The following RIC8B variants were observed in gnomAD, a reference collection of about 807,000 sequenced individuals.
RIC8B encodes the protein RIC8 guanine nucleotide exchange factor B.
In RIC8B, 16 loss-of-function variants were observed where a neutral mutation model predicts 57.5. The ratio of observed to expected loss-of-function variants is 0.28; its 90% CI spans 0.19 to 0.42. RIC8B has a LOEUF of 0.42. RIC8B is among the 10% of genes least tolerant of loss of function. The pLI, the probability that RIC8B is intolerant of heterozygous loss-of-function variation, is 1.00. For synonymous variants in RIC8B, 216 were observed against 250.8 expected (o/e 0.86, Z 1.31); for missense variants, 481 against 677.0 (o/e 0.71, Z 3.21).
chr12:106,811,203 G>T (rs1453802291), intron 2 of RIC8B, among the ~76,000 whole-genome samples: 1 of 152,264 alleles, frequency 6.6e-6, no homozygotes, highest in African/African-American at 2.4e-5. Flanking sequence ...TGAAGGAGAA[G>T]TCAAGGTAAT....
chr12:106,791,707 T>C (rs1380259926), intron 2 of RIC8B, among the ~76,000 whole-genome samples: 1 of 152,246 alleles, frequency 6.6e-6, no homozygotes, highest in African/African-American at 2.4e-5. Flanking sequence ...CCTTGGCTCC[T>C]AAGTTGGCTT....
At chr12:106,802,793 C>A (rs1168345138) in intron 2 of RIC8B, among the ~76,000 whole-genome samples, 1 of 151,948 alleles carries the variant, frequency 6.6e-6, no homozygotes, top group Non-Finnish European at 1.5e-5. Flanking sequence ...CTACCTTAAG[C>A]AAATCATTTA....
At chr12:106,820,864 GT>G (rs2045808342) in intron 3 of RIC8B, among the ~76,000 whole-genome samples, 1 of 152,258 alleles carries the variant, frequency 6.6e-6, no homozygotes, top group African/African-American at 2.4e-5. Context: ...AATTTCCTGA[GT>G]TTTTTTCTCC....
Position 106,823,571 on chromosome 12 carries a change from ATAATT to A in RIC8B, c.742-2151_742-2147del, listed in dbSNP as rs1386714854. 10 of 381,082 alleles carry A rather than the reference ATAATT, an allele frequency of 2.6e-5. No individual in the cohort carries two copies. The Admixed American group carries it at 3.1e-4, about 12-fold the overall frequency. 23.6% of individuals were successfully genotyped at this position (381,082 alleles called of 1,614,324 possible). ...TATTATATCTAAAATAAAGGAAAAT[ATAATT>A]TAAAGGGAAGTGTATTCCCTAGTTA... On this transcript the variant is annotated intron_variant, in intron 3 of 9. Coordinates refer to ENST00000392837, the MANE Select transcript of RIC8B (RefSeq NM_001330145.2).
At chr12:106,841,397 T>C (rs1948939936) in intron 4 of RIC8B, among the ~76,000 whole-genome samples, 1 of 152,220 alleles carries the variant, frequency 6.6e-6, no homozygotes, top group African/African-American at 2.4e-5. Context: ...ATATTCATTC[T>C]TGGGGAAGTG....
intron 9 of RIC8B, chr12:106,872,934 A>G (rs1404735688): frequency 2.9e-6 from 2 of 682,934 alleles, no homozygotes; most frequent in Admixed American, 6.3e-5. Context: ...TATAATCCAG[A>G]TACTTGGCTT....
At chr12:106,832,766 C>G (rs1315564233) in intron 4 of RIC8B, among the ~76,000 whole-genome samples, 3 of 152,070 alleles carry the variant, frequency 2.0e-5, no homozygotes, top group African/African-American at 7.2e-5. Context: ...GTTCTTAAAC[C>G]CTTAATTCCC....
intron 1 of RIC8B, among the ~76,000 whole-genome samples, chr12:106,781,901 A>C (rs575200442): frequency 6.6e-6 from 1 of 152,292 alleles, no homozygotes; most frequent in African/African-American, 2.4e-5. Context: ...TTTAGTTTAC[A>C]ACTTTAACCT....
chr12:106,782,528 C>T (rs1042213814), intron 1 of RIC8B, among the ~76,000 whole-genome samples: 12 of 152,194 alleles, frequency 7.9e-5, no homozygotes, highest in African/African-American at 1.9e-4. Flanking sequence ...CTCACACCTC[C>T]GTCGTAGTCT....
intron 4 of RIC8B, among the ~76,000 whole-genome samples, chr12:106,832,481 C>T (rs931313322): frequency 5.3e-5 from 8 of 151,440 alleles, no homozygotes; most frequent in South Asian, 2.1e-4. Flanking sequence ...GCCGGAGAAT[C>T]GCTTGAACCT....
At chr12:106,777,591 T>C (rs984930993) in intron 1 of RIC8B, among the ~76,000 whole-genome samples, 7 of 152,166 alleles carry the variant, frequency 4.6e-5, no homozygotes, top group Non-Finnish European at 7.4e-5. Context: ...ATACCTCTAA[T>C]AAAGCTAGTC....
At position 106,861,363 on chromosome 12, in the gene RIC8B, G is replaced by A. The variant is rs1224140765; in HGVS notation, c.1451+951G>A. ...TAAAAAACATACATTGTGCCTTGTT[G>A]ACATGCAAGTAATGGGTTGTCAGAA... On this transcript the variant is annotated intron_variant, in intron 8 of 9. Transcript: ENST00000392837. Among the ~76,000 whole-genome samples the A allele has an allele frequency of 2.6e-5, 4 of 152,130 alleles. No homozygotes were observed. In the East Asian group the frequency reaches 7.7e-4, roughly 29 times the overall value.
intron 8 of RIC8B, among the ~76,000 whole-genome samples, chr12:106,868,581 G>A (rs981288521): frequency 6.6e-6 from 1 of 152,076 alleles, no homozygotes; most frequent in African/African-American, 2.4e-5. Context: ...TGTGGCATCT[G>A]GATACGTCTC....
intron 1 of RIC8B, 41 bp downstream of exon 1, chr12:106,774,870 G>T (rs1311030407): frequency 6.1e-6 from 9 of 1,465,296 alleles, no homozygotes; most frequent in African/African-American, 4.3e-5. Context: ...TCGCACCCCC[G>T]GGCCGCCCTC....
chr12:106,887,947 G>A lies in RIC8B; in HGVS notation c.*1932G>A, dbSNP rs1951249043. ...TAGAATTTCATCCAAAATGTTTGAGGGAGAGGTGAGTGACCCAGGTTTTAA... is the reference window on the plus strand; with the variant it reads ...TAGAATTTCATCCAAAATGTTTGAGAGAGAGGTGAGTGACCCAGGTTTTAA... On this transcript the variant is annotated 3_prime_UTR_variant, in exon 10 of 10. Transcript: ENST00000392837. The A allele has an allele frequency of 1.3e-5, 2 of 152,592 alleles. No individual in the cohort carries two copies. Among genetic ancestry groups the A allele is most frequent in the Admixed American group, 1.3e-4 (2 of 15,274 alleles). The allele number at this position is 152,592 out of a possible 1,614,324, so 9.5% of individuals were successfully genotyped here. A position where few individuals can be genotyped will look rare whatever the true frequency, so the allele number is the denominator to read the frequency against.
At chr12:106,869,816 G>A (rs1316046250) in intron 8 of RIC8B, among the ~76,000 whole-genome samples, 1 of 152,154 alleles carries the variant, frequency 6.6e-6, no homozygotes, top group Non-Finnish European at 1.5e-5. Context: ...ACACGTGCCT[G>A]TAATCCCAGC....
rs144089199 is a variant in RIC8B, at chr12:106,805,848, A to G, written c.133-8848A>G. On this transcript the variant is annotated intron_variant, in intron 2 of 9. Transcript: ENST00000392837. ...TTACATTCCCTCTTATTGCCAGCCC[A>G]TTTCTCTGTTTGTCTTACAGCAACA... Among the ~76,000 whole-genome samples the G allele has an allele frequency of 2.2e-4, 34 of 152,052 alleles. No individual in the cohort carries two copies. In the East Asian group the frequency reaches 4.4e-3, roughly 20 times the overall value.
chr12:106,815,573 CTT>C (rs1396031520), intron 3 of RIC8B, among the ~76,000 whole-genome samples: 2 of 152,178 alleles, frequency 1.3e-5, no homozygotes, highest in African/African-American at 2.4e-5. Flanking sequence ...ATTATTCTCT[CTT>C]TTTAAGAGTG....
intron 3 of RIC8B, 57 bp from the exon 4 acceptor site, chr12:106,825,669 A>AC (rs1307081538): frequency 6.4e-6 from 8 of 1,257,152 alleles, no homozygotes; most frequent in Non-Finnish European, 9.3e-6. Flanking sequence ...AAAGTAGCAG[A>AC]CCCCACTGTT....
Sources: allele counts gnomAD v4.1 joint callset (sites outside exome capture counted in the v4.1 genomes callset), GRCh38; gene constraint gnomAD v4.1.1; transcripts MANE v1.5; gene names NCBI Gene and HGNC (gene_info 2026-07-23, HGNC 2026-07-21).